PDE4B: variants seen among roughly 807,000 people sequenced by gnomAD.
PDE4B encodes the protein phosphodiesterase 4B.
Under a neutral mutation model 82.2 loss-of-function variants are expected in PDE4B, and 20 were observed. That is an observed-to-expected ratio of 0.24 (90% CI 0.17 to 0.35). The LOEUF is 0.35. PDE4B is among the 10% of genes least tolerant of loss of function. The pLI, the probability that PDE4B is intolerant of heterozygous loss-of-function variation, is 1.00. For missense variants in PDE4B, 655 were observed against 907.2 expected (o/e 0.72, Z 3.57); for synonymous variants, 320 against 318.9 (o/e 1.00, Z -0.04).
At chr1:65,927,545 A>C (rs887474837) in intron 3 of PDE4B, among the ~76,000 whole-genome samples, 7 of 149,306 alleles carry the variant, frequency 4.7e-5, no homozygotes, top group African/African-American at 1.7e-4. Context: ...TCTTTATCAC[A>C]TCTGGTACAG....
At chr1:66,336,799 G>A (rs966620906) in intron 8 of PDE4B, among the ~76,000 whole-genome samples, 3 of 152,166 alleles carry the variant, frequency 2.0e-5, no homozygotes, top group African/African-American at 4.8e-5. Flanking sequence ...TCCTGGCTAT[G>A]CAGGCTTATT....
chr1:65,997,721 G>A (rs1038505568), intron 3 of PDE4B, among the ~76,000 whole-genome samples: 6 of 152,114 alleles, frequency 3.9e-5, no homozygotes, highest in East Asian at 1.9e-4. Flanking sequence ...TATGCACCAG[G>A]CTCTGATCTG....
At chr1:66,205,355 C>T (rs1649463645) in intron 3 of PDE4B, among the ~76,000 whole-genome samples, 1 of 152,126 alleles carries the variant, frequency 6.6e-6, no homozygotes, top group Admixed American at 6.6e-5. Flanking sequence ...ATTTCTTCAC[C>T]CAGAGATAAC....
At chr1:66,115,795 T>C (rs2101063267) in intron 3 of PDE4B, among the ~76,000 whole-genome samples, 1 of 152,330 alleles carries the variant, frequency 6.6e-6, no homozygotes, top group Non-Finnish European at 1.5e-5. Flanking sequence ...GGCCTTGTTT[T>C]GATGATAATG....
chr1:65,994,510 T>TC (rs11375350), intron 3 of PDE4B, among the ~76,000 whole-genome samples: 149,298 of 152,202 alleles, frequency 0.98, 73,278 homozygotes, highest in Middle Eastern at 1. Context: ...ATGGTAACAT[T>TC]GTATAAAGGG....
intron 3 of PDE4B, among the ~76,000 whole-genome samples, chr1:65,985,946 A>G (rs1050882612): frequency 2.6e-5 from 4 of 152,128 alleles, no homozygotes; most frequent in Admixed American, 2.6e-4. Flanking sequence ...GTGAATAATA[A>G]TAATTATTAT....
chr1:65,867,854 G>A (rs1646529272), intron 1 of PDE4B, among the ~76,000 whole-genome samples: 1 of 152,160 alleles, frequency 6.6e-6, no homozygotes, highest in Non-Finnish European at 1.5e-5. Context: ...GACACAGTGG[G>A]AAGGGAAGAT....
chr1:66,036,329 G>A (rs981792447), intron 3 of PDE4B, among the ~76,000 whole-genome samples: 3 of 152,020 alleles, frequency 2.0e-5, no homozygotes, highest in African/African-American at 7.2e-5. Context: ...TTGGTTTGAT[G>A]CAATCCCATT....
At chr1:65,893,009 A>T (rs772638514) in intron 1 of PDE4B, among the ~76,000 whole-genome samples, 1 of 152,104 alleles carries the variant, frequency 6.6e-6, no homozygotes, top group Non-Finnish European at 1.5e-5. Context: ...AATTCAATAG[A>T]ATAATTTTTT....
chr1:66,355,396 A>C (rs1179387735), intron 8 of PDE4B, 131 bp from the exon 9 acceptor site: 1 of 477,898 alleles, frequency 2.1e-6, no homozygotes, highest in Non-Finnish European at 3.8e-6. Flanking sequence ...TATTTTGTAG[A>C]AACAGTATTA....
At chr1:66,001,544 A>G (rs1257925110) in intron 3 of PDE4B, among the ~76,000 whole-genome samples, 1 of 152,046 alleles carries the variant, frequency 6.6e-6, no homozygotes, top group South Asian at 2.1e-4. Context: ...CAACTTGTTT[A>G]TCTGTTCACC....
intron 7 of PDE4B, among the ~76,000 whole-genome samples, chr1:66,325,672 G>A (rs1471294750): frequency 1.3e-5 from 2 of 152,152 alleles, no homozygotes; most frequent in South Asian, 2.1e-4. Context: ...TGGGAAGGAC[G>A]CTTTAGGATT....
chr1:65,922,905 A>G lies in PDE4B; in HGVS notation c.281+4070A>G, dbSNP rs548611827. On this transcript the variant is annotated intron_variant, in intron 3 of 16. Transcript: ENST00000341517. ...CACATTAGGGATGTGCCTGTTCTTT[A>G]GAGGAAGATATCAGGAGTATACCAG... Among the ~76,000 whole-genome samples the G allele has an allele frequency of 7.2e-5, 11 of 152,228 alleles. No homozygotes were observed. In the South Asian group the frequency reaches 1.9e-3, roughly 26 times the overall value.
At chr1:66,238,174 G>T (rs1416490262) in intron 3 of PDE4B, among the ~76,000 whole-genome samples, 1 of 152,130 alleles carries the variant, frequency 6.6e-6, no homozygotes, top group Non-Finnish European at 1.5e-5. Flanking sequence ...TATTTATGTA[G>T]CACTTTCTAC....
At chr1:66,041,390 C>T (rs1654362196) in intron 3 of PDE4B, among the ~76,000 whole-genome samples, 1 of 151,912 alleles carries the variant, frequency 6.6e-6, no homozygotes, top group Non-Finnish European at 1.5e-5. Context: ...ACATGTCATC[C>T]AAGGCTGACA....
intron 7 of PDE4B, among the ~76,000 whole-genome samples, chr1:66,308,559 G>A (rs1230946209): frequency 6.6e-6 from 1 of 152,128 alleles, no homozygotes; most frequent in East Asian, 1.9e-4. Flanking sequence ...TCAAAGATTA[G>A]TGTTTGTCTC....
Position 65,842,274 on chromosome 1 carries a change from G to T in PDE4B, c.-71+49026G>T, listed in dbSNP as rs547417615. 4.3e-3 allele frequency among the ~76,000 whole-genome samples: 655 copies of T among 151,440 alleles called. 7 individuals are homozygous for T. The highest frequency in any genetic ancestry group is 0.013 in the African/African-American group (521 of 41,256). On this transcript the variant is annotated intron_variant, in intron 1 of 16. Transcript: ENST00000341517. ...CAACATTAAGAAAGTGGTTTTTTTT[G>T]CAGGAAATACAAAAACAAATAATTA... is the stretch of plus-strand genomic sequence containing the variant.
chr1:66,037,521 G>T (rs189923748), intron 3 of PDE4B, among the ~76,000 whole-genome samples: 28 of 152,066 alleles, frequency 1.8e-4, no homozygotes, highest in Admixed American at 1.8e-3. Flanking sequence ...TTTTGGTGGA[G>T]TCATTACGAT....
intron 3 of PDE4B, among the ~76,000 whole-genome samples, chr1:66,164,175 T>G (rs911401082): frequency 6.6e-6 from 1 of 151,852 alleles, no homozygotes; most frequent in African/African-American, 2.4e-5. Flanking sequence ...AGTAATATAT[T>G]TCGTATGTGT....
Sources: allele counts gnomAD v4.1 joint callset (sites outside exome capture counted in the v4.1 genomes callset), GRCh38; gene constraint gnomAD v4.1.1; transcripts MANE v1.5; gene names NCBI Gene and HGNC (gene_info 2026-07-23, HGNC 2026-07-21).